NALF1: variants seen among roughly 807,000 people sequenced by gnomAD.
NALF1 encodes the protein NALCN channel auxiliary factor 1.
In NALF1, 3 loss-of-function variants were observed where a neutral mutation model predicts 48.4. That is an observed-to-expected ratio of 0.06 (90% CI 0.03 to 0.16). The LOEUF (loss-of-function observed/expected upper bound fraction) is 0.16. NALF1 is among the 10% of genes least tolerant of loss of function. NALF1 has a pLI of 1.00. For missense variants in NALF1, 526 were observed against 571.5 expected (o/e 0.92, Z 0.81); for synonymous variants, 262 against 245.7 (o/e 1.07, Z -0.62).
intron 1 of NALF1, among the ~76,000 whole-genome samples, chr13:107,679,614 C>G (rs1382124111): frequency 1.3e-5 from 2 of 152,156 alleles, no homozygotes; most frequent in Admixed American, 1.3e-4. Flanking sequence ...CTCCTCAGCG[C>G]CCCCCACGGG....
At chr13:107,299,401 A>G (rs1881790115) in intron 1 of NALF1, among the ~76,000 whole-genome samples, 1 of 150,826 alleles carries the variant, frequency 6.6e-6, no homozygotes, top group African/African-American at 2.4e-5. Flanking sequence ...CTGCCACCGC[A>G]CTCCAGCCTG....
intron 1 of NALF1, among the ~76,000 whole-genome samples, chr13:107,749,056 A>G (rs1876859722): frequency 6.6e-6 from 1 of 151,944 alleles, no homozygotes; most frequent in African/African-American, 2.4e-5. Context: ...CTATTCCTGA[A>G]AGATGTTCCT....
At chr13:107,441,055 G>C (rs1884551330) in intron 1 of NALF1, among the ~76,000 whole-genome samples, 1 of 152,088 alleles carries the variant, frequency 6.6e-6, no homozygotes, top group Non-Finnish European at 1.5e-5. Flanking sequence ...AGGTCTGTTA[G>C]GATACCCTTC....
chr13:107,187,004 T>C (rs1358027197), intron 2 of NALF1, among the ~76,000 whole-genome samples: 2 of 152,222 alleles, frequency 1.3e-5, no homozygotes, highest in Non-Finnish European at 2.9e-5. Flanking sequence ...GTCACCTGCA[T>C]TTCCTGGCTC....
chr13:107,833,210 C>T (rs562229113), intron 1 of NALF1, among the ~76,000 whole-genome samples: 91 of 152,288 alleles, frequency 6.0e-4, no homozygotes, highest in Middle Eastern at 3.4e-3. Flanking sequence ...GAACTGCTTC[C>T]GGAACAAGAA....
At chr13:107,564,416 G>A (rs949150511) in intron 1 of NALF1, among the ~76,000 whole-genome samples, 6 of 152,112 alleles carry the variant, frequency 3.9e-5, no homozygotes, top group Non-Finnish European at 8.8e-5. Flanking sequence ...ACCTGTCCTG[G>A]AGTAAAGCAA....
At chr13:107,210,790 G>T in intron 1 of NALF1, 35 bp from the exon 2 acceptor site, 7 of 1,487,638 alleles carry the variant, frequency 4.7e-6, no homozygotes, top group South Asian at 1.1e-5. Context: ...ATATAGAGGC[G>T]TGACAACAGT....
intron 1 of NALF1, among the ~76,000 whole-genome samples, chr13:107,772,068 G>A (rs1877594915): frequency 6.6e-6 from 1 of 152,050 alleles, no homozygotes; most frequent in Non-Finnish European, 1.5e-5. Context: ...ACTGATTCTT[G>A]CAAAATATAG....
intron 1 of NALF1, among the ~76,000 whole-genome samples, chr13:107,740,661 G>A (rs1876604722): frequency 6.6e-6 from 1 of 152,028 alleles, no homozygotes; most frequent in Non-Finnish European, 1.5e-5. Flanking sequence ...AGTAAGCTAG[G>A]ACACTTCTAG....
intron 1 of NALF1, among the ~76,000 whole-genome samples, chr13:107,832,762 C>G (rs374824334): frequency 6.6e-6 from 1 of 152,172 alleles, no homozygotes; most frequent in Non-Finnish European, 1.5e-5. Context: ...TCCTCTGTCT[C>G]GCTAATTACA....
chr13:107,408,065 G>T (rs1361808787), intron 1 of NALF1, among the ~76,000 whole-genome samples: 8 of 151,890 alleles, frequency 5.3e-5, no homozygotes. Flanking sequence ...TAAAATAATT[G>T]AACTCATGGA....
chr13:107,505,133 AG>A (rs1875653961), intron 1 of NALF1, among the ~76,000 whole-genome samples: 1 of 152,224 alleles, frequency 6.6e-6, no homozygotes, highest in Non-Finnish European at 1.5e-5. Context: ...AGCAGGTAAA[AG>A]TGGAAGACAG....
At position 107,278,771 on chromosome 13, in the gene NALF1, A is replaced by G. The variant is rs1176653813; in HGVS notation, c.916-68016T>C. On this transcript the variant is annotated intron_variant, in intron 1 of 2. Coordinates refer to ENST00000375915, the MANE Select transcript of NALF1 (RefSeq NM_001080396.3). ...TGTAAAATAACTAGCTATGAAGCAT[A>G]AAAGCTTAAAGAATATGCTAGAAGA... is the stretch of plus-strand genomic sequence containing the variant. 4.6e-5 allele frequency among the ~76,000 whole-genome samples: 7 copies of G among 152,244 alleles called. 1 individual carries two copies. Among genetic ancestry groups the G allele is most frequent in the African/African-American group, 1.7e-4 (7 of 41,468 alleles).
At chr13:107,331,627 T>A (rs1882470521) in intron 1 of NALF1, among the ~76,000 whole-genome samples, 1 of 152,196 alleles carries the variant, frequency 6.6e-6, no homozygotes, top group Admixed American at 6.5e-5. Flanking sequence ...GCATTAGAAT[T>A]TTGTTCTCCT....
chr13:107,858,878 T>C (rs1448710182), intron 1 of NALF1, among the ~76,000 whole-genome samples: 2 of 152,220 alleles, frequency 1.3e-5, no homozygotes, highest in Admixed American at 1.3e-4. Flanking sequence ...AAGATTGCTC[T>C]AGGGCTTAAA....
At chr13:107,201,845 T>C (rs1012874794) in intron 2 of NALF1, among the ~76,000 whole-genome samples, 1 of 152,074 alleles carries the variant, frequency 6.6e-6, no homozygotes, top group Non-Finnish European at 1.5e-5. Context: ...TAATGACATA[T>C]TCCGTAAAGG....
intron 1 of NALF1, among the ~76,000 whole-genome samples, chr13:107,686,603 A>G (rs1193591557): frequency 2.0e-5 from 3 of 152,076 alleles, no homozygotes; most frequent in Admixed American, 2.0e-4. Flanking sequence ...CGTGTTGGCC[A>G]GGATGGTCTT....
intron 1 of NALF1, among the ~76,000 whole-genome samples, chr13:107,583,212 A>T (rs149240549): frequency 0.022 from 3,423 of 152,138 alleles, 65 homozygotes; most frequent in Middle Eastern, 0.089. Context: ...ATGAAACATA[A>T]TGTTATATAA....
At chr13:107,411,370 T>A (rs576042784) in intron 1 of NALF1, among the ~76,000 whole-genome samples, 1 of 150,130 alleles carries the variant, frequency 6.7e-6, no homozygotes, top group South Asian at 2.1e-4. Flanking sequence ...GGAGTGCAAA[T>A]GGGAGATCAT....
Sources: gnomAD v4.1 joint callset for allele counts (sites outside exome capture counted in the v4.1 genomes callset) on GRCh38, gnomAD v4.1.1 for gene constraint, MANE v1.5 for transcripts, NCBI Gene and HGNC (gene_info 2026-07-23, HGNC 2026-07-21) for gene names.